GLI3: variants seen among roughly 807,000 people sequenced by gnomAD.
GLI3 encodes GLI family zinc finger 3.
In GLI3, 20 loss-of-function variants were observed where a neutral mutation model predicts 100.8. The observed-to-expected ratio is 0.20, with a 90% CI of 0.14 to 0.29. The LOEUF is 0.29. Among genes scored for constraint, GLI3 ranks in the 10% least tolerant of loss-of-function variants. The probability of loss-of-function intolerance (pLI) is 1.00; values close to 1 mark genes in which losing one functional copy is unlikely to be tolerated. For synonymous variants in GLI3, 938 were observed against 860.5 expected (o/e 1.09, Z -1.58); for missense variants, 2,040 against 2,128.5 (o/e 0.96, Z 0.82).
chr7:42,241,851 C>T (rs1788928232), upstream of GLI3, among the ~76,000 whole-genome samples: 1 of 152,208 alleles, frequency 6.6e-6, no homozygotes, highest in Non-Finnish European at 1.5e-5. Context: ...TACTCAGATC[C>T]TTGCCTGCTC....
intron 2 of GLI3, among the ~76,000 whole-genome samples, chr7:42,190,088 ACAGT>A (rs1787796597): frequency 6.6e-6 from 1 of 151,960 alleles, no homozygotes; most frequent in African/African-American, 2.4e-5. Context: ...AATATTACCA[ACAGT>A]CATTTTATGC....
At chr7:42,148,892 G>A (rs567891236) in intron 2 of GLI3, among the ~76,000 whole-genome samples, 7 of 152,250 alleles carry the variant, frequency 4.6e-5, no homozygotes, top group Admixed American at 2.6e-4. Flanking sequence ...CGGGGCCTCC[G>A]GGGTGACACA....
intron 3 of GLI3, among the ~76,000 whole-genome samples, chr7:42,133,643 G>GGA (rs1554332332): frequency 7.1e-6 from 1 of 140,326 alleles, no homozygotes; most frequent in African/African-American, 2.7e-5. Flanking sequence ...GAAAGCAGCA[G>GGA]AAAAAAAAAA....
chr7:42,169,796 T>C (rs931453197), intron 2 of GLI3, among the ~76,000 whole-genome samples: 2 of 151,954 alleles, frequency 1.3e-5, no homozygotes, highest in Non-Finnish European at 2.9e-5. Flanking sequence ...AGGAAGCAAA[T>C]GCCAAAATGT....
chr7:42,197,965 C>G (rs772962407), intron 2 of GLI3, among the ~76,000 whole-genome samples: 2 of 152,114 alleles, frequency 1.3e-5, no homozygotes, highest in African/African-American at 4.8e-5. Flanking sequence ...TAGGTGTGGC[C>G]GCCCCAAATA....
At chr7:42,113,588 GC>G in intron 3 of GLI3, 3 of 1,038,678 alleles carry the variant, frequency 2.9e-6, no homozygotes, top group Non-Finnish European at 4.5e-6. Context: ...AAAAGACCAG[GC>G]CCAGAAAGCT....
chr7:42,046,084 C>T (rs1348757482), intron 5 of GLI3, among the ~76,000 whole-genome samples: 1 of 152,220 alleles, frequency 6.6e-6, no homozygotes, highest in African/African-American at 2.4e-5. Flanking sequence ...TTTAAAAGCT[C>T]TCTTTTCCTT....
At chr7:42,065,293 C>G (rs560078243) in intron 4 of GLI3, among the ~76,000 whole-genome samples, 1 of 150,572 alleles carries the variant, frequency 6.6e-6, no homozygotes, top group African/African-American at 2.4e-5. Context: ...TAAATGCAGA[C>G]CCCTGGTTAG....
chr7:42,203,674 A>G (rs1469807502), intron 2 of GLI3, among the ~76,000 whole-genome samples: 1 of 152,184 alleles, frequency 6.6e-6, no homozygotes, highest in Non-Finnish European at 1.5e-5. Context: ...TAAGGCTGCA[A>G]TGAACATGGC....
intron 2 of GLI3, among the ~76,000 whole-genome samples, chr7:42,206,780 A>G (rs1788164616): frequency 6.6e-6 from 1 of 152,196 alleles, no homozygotes; most frequent in African/African-American, 2.4e-5. Context: ...CAGAAAAAGA[A>G]CCTAAAATAT....
At chr7:42,128,877 C>T (rs533998661) in intron 3 of GLI3, among the ~76,000 whole-genome samples, 1 of 152,242 alleles carries the variant, frequency 6.6e-6, no homozygotes, top group Non-Finnish European at 1.5e-5. Flanking sequence ...GAAGCCAGTC[C>T]AGTATCTAAG....
rs201984604 is a variant in GLI3 at position 42,045,451 on chromosome 7, G to A, written c.759C>T (p.Asp253=). The change falls in exon 6 of 15, where the codon GAC becomes GAT. Residue 253 remains aspartate, a synonymous_variant. Transcript: ENST00000395925. The part of the protein sequence containing the change: ...LLTGQRSPYA[D]IIPSAATAGT... ...CGGCGGTGGCAGCTGAGGGAATAAT[G>A]TCTGCATAGGGGCTGCGCTGGCCAG... The A allele has an allele frequency of 5.6e-6, 9 of 1,613,872 alleles. No homozygotes were observed. Among genetic ancestry groups the A allele is most frequent in the Non-Finnish European group, 7.6e-6 (9 of 1,179,752 alleles).
rs774628471 is a variant in GLI3, at chr7:41,965,624, C to A, written c.3449G>T (p.Cys1150Phe). The change falls in exon 15 of 15, where the codon TGC becomes TTC. Residue 1150 changes from cysteine (C) to phenylalanine (F), a missense_variant. Physicochemically the swap from Cys to Phe is radical, Grantham distance 205. Around this residue, in one of 5 missense-constraint regions of GLI3, gnomAD observed 1,041 missense variants for 924.0 expected, o/e 1.13. Transcript: ENST00000395925. Reference protein sequence around the residue: ...GQQFHALEQPCPEGSKTDLPI... With the variant: ...GQQFHALEQPFPEGSKTDLPI... ...CAGGTCGGTTTTGCTGCCCTCGGGGCAGGGCTGCTCGAGGGCATGGAACTG... is the reference window on the plus strand; with the variant it reads ...CAGGTCGGTTTTGCTGCCCTCGGGGAAGGGCTGCTCGAGGGCATGGAACTG... 1 of 1,611,144 alleles carries A rather than the reference C, an allele frequency of 6.2e-7. No homozygotes were observed. The highest frequency in any genetic ancestry group is 1.1e-5 in the South Asian group (1 of 90,986).
At chr7:42,068,900 C>T (rs2237417) in intron 4 of GLI3, among the ~76,000 whole-genome samples, 52,316 of 151,996 alleles carry the variant, frequency 0.34, 9,701 homozygotes, top group East Asian at 0.52. Flanking sequence ...TGTTAAAGTT[C>T]AGTTTTCTCA....
At chr7:42,184,428 T>C (rs970884846) in intron 2 of GLI3, among the ~76,000 whole-genome samples, 1 of 152,186 alleles carries the variant, frequency 6.6e-6, no homozygotes, top group East Asian at 1.9e-4. Flanking sequence ...CCATTCCACC[T>C]GGTACCTTCA....
At chr7:42,227,246 C>T (rs745605314) in intron 1 of GLI3, among the ~76,000 whole-genome samples, 33 of 151,644 alleles carry the variant, frequency 2.2e-4, no homozygotes, top group Non-Finnish European at 4.1e-4. Context: ...GCAAGATTTG[C>T]TGGCATGCCC....
chr7:42,259,160 A>G (rs1789114480), intron 1 of GLI3, among the ~76,000 whole-genome samples: 1 of 152,220 alleles, frequency 6.6e-6, no homozygotes, highest in Non-Finnish European at 1.5e-5. Flanking sequence ...TGTTTTTAGC[A>G]TGCTTTCAAA....
chr7:41,986,927 G>C (rs1239534717), intron 10 of GLI3, among the ~76,000 whole-genome samples: 1 of 150,410 alleles, frequency 6.6e-6, no homozygotes, highest in Non-Finnish European at 1.5e-5. Flanking sequence ...GGAAATTGTG[G>C]GAGAATAGGA....
intron 13 of GLI3, among the ~76,000 whole-genome samples, chr7:41,969,885 G>A (rs549947304): frequency 1.5e-4 from 23 of 152,198 alleles, no homozygotes; most frequent in Non-Finnish European, 2.4e-4. Context: ...GTACAATAAT[G>A]AGTCTTTCAG....
Sources: gnomAD v4.1 joint callset for allele counts (sites outside exome capture counted in the v4.1 genomes callset) on GRCh38, gnomAD v4.1.1 for gene constraint, gnomAD v4.1.1 regional missense constraint, MANE v1.5 for transcripts, NCBI Gene and HGNC (gene_info 2026-07-23, HGNC 2026-07-21) for gene names.